The following ATF7IP variants were observed in gnomAD, a reference collection of about 807,000 sequenced individuals.
ATF7IP encodes activating transcription factor 7-interacting protein 1.
A neutral mutation model predicts 106.4 loss-of-function variants in ATF7IP; 23 were observed. That is an observed-to-expected ratio of 0.22 (90% confidence interval 0.16 to 0.31). The LOEUF (loss-of-function observed/expected upper bound fraction) is 0.31. ATF7IP is among the 10% of genes least tolerant of loss of function. The probability of loss-of-function intolerance (pLI) is 1.00; values close to 1 mark genes in which losing one functional copy is unlikely to be tolerated. For missense variants in ATF7IP, 1,334 were observed against 1,524.3 expected (o/e 0.88, Z 2.08); for synonymous variants, 542 against 539.0 (o/e 1.01, Z -0.08).
At chr12:14,464,337 A>T (rs903957830) in intron 9 of ATF7IP, among the ~76,000 whole-genome samples, 5 of 152,058 alleles carry the variant, frequency 3.3e-5, no homozygotes, top group African/African-American at 1.2e-4. Context: ...AAAGAAAAAC[A>T]AACAAACGAG....
Position 14,424,110 on chromosome 12 carries a change from T to C in ATF7IP, c.195T>C (p.Ile65=). Residue 65 remains isoleucine (I), a synonymous_variant, in exon 2 of 15, where the codon ATT becomes ATC. Transcript: ENST00000261168. ...CACCTTTGGAAAACATGGATTACATTAAAGACAAGGAAGAGGTGAATGGCA... is the reference window on the plus strand; with the variant it reads ...CACCTTTGGAAAACATGGATTACATCAAAGACAAGGAAGAGGTGAATGGCA... ...PTSPLENMDY[I]KDKEEVNGIE... 2 of 1,614,130 alleles carry C rather than the reference T, an allele frequency of 1.2e-6. No individual in the cohort carries two copies. Among genetic ancestry groups the C allele is most frequent in the African/African-American group, 1.3e-5 (1 of 74,990 alleles).
chr12:14,457,864 G>A lies in ATF7IP; in HGVS notation c.2158+569G>A, dbSNP rs1175065285. 3.3e-5 allele frequency among the ~76,000 whole-genome samples: 5 copies of A among 152,240 alleles called. No homozygotes were observed. The East Asian group carries it at 5.8e-4, about 18-fold the overall frequency. ...AATCCCAGGACTTTGAGAGGCTGAG[G>A]CAGGCGGATCACTTGAGGTTAGGAG... On this transcript the variant is annotated intron_variant, in intron 8 of 14. Coordinates refer to ENST00000261168, the MANE Select transcript of ATF7IP (RefSeq NM_018179.5).
chr12:14,374,978 G>A (rs1339716382), intron 1 of ATF7IP, among the ~76,000 whole-genome samples: 1 of 151,800 alleles, frequency 6.6e-6, no homozygotes, highest in African/African-American at 2.4e-5. Flanking sequence ...TGATATATCT[G>A]ACAATTTTTT....
chr12:14,443,990 A>G (rs1942835169), intron 5 of ATF7IP, among the ~76,000 whole-genome samples: 1 of 152,198 alleles, frequency 6.6e-6, no homozygotes, highest in South Asian at 2.1e-4. Context: ...AAGAAAAAGG[A>G]CAGAACCAGA....
intron 1 of ATF7IP, among the ~76,000 whole-genome samples, chr12:14,389,942 A>C (rs1939455393): frequency 1.3e-5 from 2 of 152,180 alleles, no homozygotes; most frequent in Admixed American, 6.5e-5. Context: ...CTAATTGTTA[A>C]CATTTAAAGT....
intron 1 of ATF7IP, among the ~76,000 whole-genome samples, chr12:14,376,882 C>A (rs1204739615): frequency 6.6e-6 from 1 of 151,296 alleles, no homozygotes; most frequent in Non-Finnish European, 1.5e-5. Flanking sequence ...GCCAAGATTG[C>A]GCCACTACAC....
At chr12:14,369,119 T>C (rs1591747672) in intron 1 of ATF7IP, 2 of 29,366 alleles carry the variant, frequency 6.8e-5, no homozygotes, top group Non-Finnish European at 1.3e-4. Flanking sequence ...TAATTTTTTC[T>C]TTTTTTTTTT....
At chr12:14,492,020 C>T (rs1944842404) in intron 13 of ATF7IP, among the ~76,000 whole-genome samples, 1 of 152,210 alleles carries the variant, frequency 6.6e-6, no homozygotes, top group African/African-American at 2.4e-5. Context: ...TTTTTAGAGG[C>T]AGCTCTAATG....
chr12:14,385,493 G>C, intron 1 of ATF7IP: 1 of 1,208,082 alleles, frequency 8.3e-7, no homozygotes, highest in Non-Finnish European at 1.1e-6. Flanking sequence ...GGTGAACTTA[G>C]AGCTTGGTTT....
At chr12:14,438,536 T>A (rs979358600) in intron 5 of ATF7IP, among the ~76,000 whole-genome samples, 1 of 150,536 alleles carries the variant, frequency 6.6e-6, no homozygotes, top group African/African-American at 2.4e-5. Flanking sequence ...AGGGCTGTGC[T>A]GTGAGGAAGA....
intron 9 of ATF7IP, among the ~76,000 whole-genome samples, chr12:14,462,646 AC>A (rs1943688110): frequency 6.6e-6 from 1 of 152,000 alleles, no homozygotes. Context: ...CTGTTCTCTT[AC>A]AATTTTTATA....
At chr12:14,445,117 A>G (rs925649767) in intron 5 of ATF7IP, among the ~76,000 whole-genome samples, 7 of 151,288 alleles carry the variant, frequency 4.6e-5, no homozygotes, top group Admixed American at 4.0e-4. Flanking sequence ...CAGCCTCCCG[A>G]AGAGCTGGGA....
chr12:14,450,857 G>T (rs1314128554), intron 6 of ATF7IP, among the ~76,000 whole-genome samples: 3 of 151,964 alleles, frequency 2.0e-5, no homozygotes, highest in Non-Finnish European at 4.4e-5. Context: ...CTGGAGTGCA[G>T]TGATGTGATC....
At chr12:14,496,372 T>C (rs1945013510) in intron 14 of ATF7IP, 29 bp downstream of exon 14, 2 of 1,432,836 alleles carry the variant, frequency 1.4e-6, no homozygotes, top group Non-Finnish European at 2.0e-6. Flanking sequence ...TTTTGCAAAA[T>C]TCTCAACTGT....
chr12:14,383,550 G>A (rs1393758452), intron 1 of ATF7IP, among the ~76,000 whole-genome samples: 1 of 151,966 alleles, frequency 6.6e-6, no homozygotes, highest in Non-Finnish European at 1.5e-5. Flanking sequence ...TCTTGCTTTT[G>A]TTTTTAATTA....
At chr12:14,374,207 C>T (rs1190466221) in intron 1 of ATF7IP, among the ~76,000 whole-genome samples, 3 of 151,424 alleles carry the variant, frequency 2.0e-5, no homozygotes, top group South Asian at 2.1e-4. Context: ...AAGGGATCCT[C>T]CTGACTCAGC....
At chr12:14,467,106 C>A (rs1021617492) in intron 10 of ATF7IP, among the ~76,000 whole-genome samples, 1 of 152,006 alleles carries the variant, frequency 6.6e-6, no homozygotes, top group Non-Finnish European at 1.5e-5. Context: ...TCTTAACCAC[C>A]CGGTAATAGA....
chr12:14,377,865 T>G (rs1938819472), intron 1 of ATF7IP, among the ~76,000 whole-genome samples: 1 of 151,144 alleles, frequency 6.6e-6, no homozygotes, highest in Admixed American at 6.6e-5. Flanking sequence ...TCACCTCAGG[T>G]GATCCACCTG....
At chr12:14,441,780 C>T (rs996115410) in intron 5 of ATF7IP, among the ~76,000 whole-genome samples, 3 of 152,102 alleles carry the variant, frequency 2.0e-5, no homozygotes, top group Non-Finnish European at 2.9e-5. Flanking sequence ...TGAGCCACCG[C>T]GCCCTGCCCA....
Sources: gnomAD v4.1 joint callset for allele counts (sites outside exome capture counted in the v4.1 genomes callset) on GRCh38, gnomAD v4.1.1 for gene constraint, MANE v1.5 for transcripts, NCBI Gene and HGNC (gene_info 2026-07-23, HGNC 2026-07-21) for gene names.